The following FOXK1 variants were observed in gnomAD, a reference collection of about 807,000 sequenced individuals.
The protein encoded by FOXK1 is forkhead box K1.
Under a neutral mutation model 51.9 loss-of-function variants are expected in FOXK1, and 19 were observed. The observed-to-expected ratio is 0.37, with a 90% confidence interval of 0.26 to 0.54. The LOEUF (loss-of-function observed/expected upper bound fraction) is 0.54. Among genes scored for constraint, FOXK1 ranks in the 20% least tolerant of loss-of-function variants. The probability of loss-of-function intolerance (pLI) is 0.87; values close to 1 mark genes in which losing one functional copy is unlikely to be tolerated. For missense variants in FOXK1, 870 were observed against 1,032.7 expected (o/e 0.84, Z 2.16); for synonymous variants, 537 against 482.6 (o/e 1.11, Z -1.48).
intron 1 of FOXK1, among the ~76,000 whole-genome samples, chr7:4,690,847 A>ATTAATGT (rs1779881453): frequency 6.6e-6 from 1 of 152,212 alleles, no homozygotes; most frequent in African/African-American, 2.4e-5. Context: ...CAGAGGATAA[A>ATTAATGT]CTTGCTAAAT....
chr7:4,741,612 T>C (rs1048560106), intron 2 of FOXK1, among the ~76,000 whole-genome samples: 21 of 152,244 alleles, frequency 1.4e-4, no homozygotes, highest in Non-Finnish European at 2.4e-4. Context: ...ATTACAGGCG[T>C]GAGCCACCGC....
rs952978056 is a variant in FOXK1, at chr7:4,711,777, T to A, written c.560+28909T>A. The stretch of plus-strand genomic sequence containing the variant: ...AGCCACAAGTCGGCAACGTAGTGCC[T>A]CCAGGGCAGATGCCACGGACCGTAG... On this transcript the variant is annotated intron_variant, in intron 1 of 8. Transcript: ENST00000328914. This position sits in a 1 kb window ranked among gnomAD's most constrained non-coding sequence, Gnocchi z 6.3. Among the ~76,000 whole-genome samples, 1 of 152,178 alleles carries A rather than the reference T, an allele frequency of 6.6e-6. No homozygotes were observed. The highest frequency in any genetic ancestry group is 1.5e-5 in the Non-Finnish European group (1 of 68,030).
intron 2 of FOXK1, among the ~76,000 whole-genome samples, chr7:4,744,994 G>A (rs1303904783): frequency 6.6e-6 from 1 of 152,242 alleles, no homozygotes; most frequent in Non-Finnish European, 1.5e-5. Context: ...GGCCCTTGAG[G>A]TTTTCCCTGC....
chr7:4,686,873 G>A (rs1246872622), intron 1 of FOXK1, among the ~76,000 whole-genome samples: 1 of 151,474 alleles, frequency 6.6e-6, no homozygotes, highest in Non-Finnish European at 1.5e-5. Flanking sequence ...AGGGGGGTGA[G>A]GTGTGTGTGT....
At chr7:4,702,850 C>A (rs1210998469) in intron 1 of FOXK1, among the ~76,000 whole-genome samples, 1 of 152,192 alleles carries the variant, frequency 6.6e-6, no homozygotes, top group African/African-American at 2.4e-5. Context: ...CCCCTGCCTT[C>A]CTCTTCTCAG....
At chr7:4,706,072 ATG>A (rs1780098844) in intron 1 of FOXK1, among the ~76,000 whole-genome samples, 2 of 148,874 alleles carry the variant, frequency 1.3e-5, no homozygotes, top group Non-Finnish European at 3.0e-5. Context: ...ATGTGTATAT[ATG>A]TATATATGCA....
intron 1 of FOXK1, among the ~76,000 whole-genome samples, chr7:4,732,183 T>C (rs1421251752): frequency 6.6e-6 from 1 of 152,266 alleles, no homozygotes; most frequent in Non-Finnish European, 1.5e-5. Context: ...ACACGCCCTG[T>C]GTGCGTCTGA....
In FOXK1 at chr7:4,757,127, G is replaced by T; in HGVS notation, c.1184G>T (p.Arg395Leu). The change falls in exon 5 of 9, where the codon CGG becomes CTG. Residue 395 changes from arginine to leucine, a missense_variant. Arg to Leu is a moderately radical substitution (Grantham distance 102). Coordinates refer to ENST00000328914, the MANE Select transcript of FOXK1 (RefSeq NM_001037165.2). ...GCCAAGCTCGTGGAACAGGCATTCC[G>T]GAAACGGAGGCAGAGGGGTGTCTCC... Reference protein sequence around the residue: ...SEAKLVEQAFRKRRQRGVSCF... With the variant: ...SEAKLVEQAFLKRRQRGVSCF... 1 of 1,613,286 alleles carries T rather than the reference G, an allele frequency of 6.2e-7. No individual in the cohort carries two copies.
Position 4,748,404 on chromosome 7 carries a change from T to C in FOXK1, c.747-6055T>C, listed in dbSNP as rs1780733409. On this transcript the variant is annotated intron_variant, in intron 2 of 8. Coordinates refer to ENST00000328914, the MANE Select transcript of FOXK1 (RefSeq NM_001037165.2). The surrounding 1 kb of genome is among the most constrained non-coding windows in gnomAD (Gnocchi z 4.9). ...TACCTTGCATGAGCGTTTTCTGTAT[T>C]AGAACTGTGTAGTGATTGTAGCGCT... Among the ~76,000 whole-genome samples, 1 of 152,204 alleles carries C rather than the reference T, an allele frequency of 6.6e-6. No individual in the cohort carries two copies.
At chr7:4,698,545 G>A (rs1464850000) in intron 1 of FOXK1, among the ~76,000 whole-genome samples, 1 of 152,040 alleles carries the variant, frequency 6.6e-6, no homozygotes, top group Non-Finnish European at 1.5e-5. Flanking sequence ...TGCAGTCCAC[G>A]TACCTCTTTG....
At chr7:4,746,506 C>A (rs934031652) in intron 2 of FOXK1, among the ~76,000 whole-genome samples, 1 of 151,876 alleles carries the variant, frequency 6.6e-6, no homozygotes, top group Non-Finnish European at 1.5e-5. Context: ...ATAGTGAGAC[C>A]CCCATCTCTA....
chr7:4,694,074 C>CT (rs1779924105), intron 1 of FOXK1, among the ~76,000 whole-genome samples: 2 of 150,028 alleles, frequency 1.3e-5, no homozygotes, highest in African/African-American at 4.9e-5. Context: ...TTTATAGAGA[C>CT]CAGTGTCTCA....
At chr7:4,701,957 C>T (rs770093884) in intron 1 of FOXK1, among the ~76,000 whole-genome samples, 1 of 152,084 alleles carries the variant, frequency 6.6e-6, no homozygotes, top group Non-Finnish European at 1.5e-5. Flanking sequence ...TGCCTGTACT[C>T]GCAGCTACTT....
intron 2 of FOXK1, among the ~76,000 whole-genome samples, chr7:4,751,631 G>A (rs774912889): frequency 2.6e-5 from 4 of 152,240 alleles, no homozygotes; most frequent in East Asian, 1.9e-4. Flanking sequence ...CCCCGTGGCC[G>A]AGGCCCGCCT....
At chr7:4,760,978 C>G (rs555508976) in intron 7 of FOXK1, 86 bp from the exon 8 acceptor site, 5 of 1,305,336 alleles carry the variant, frequency 3.8e-6, no homozygotes, top group South Asian at 2.5e-5. Context: ...TCACTTTCCC[C>G]ACTTGTCCGA....
intron 2 of FOXK1, among the ~76,000 whole-genome samples, chr7:4,751,385 C>G (rs1780776049): frequency 6.6e-6 from 1 of 152,154 alleles, no homozygotes; most frequent in African/African-American, 2.4e-5. Flanking sequence ...TTTCCGTGGA[C>G]TCCCAGCATC....
intron 1 of FOXK1, among the ~76,000 whole-genome samples, chr7:4,714,562 A>AC (rs1182165685): frequency 3.3e-5 from 5 of 152,220 alleles, no homozygotes; most frequent in Admixed American, 6.5e-5. Context: ...GGCGTGAGCC[A>AC]CCAGCCTGGC....
At chr7:4,721,985 A>T (rs115610361) in intron 1 of FOXK1, among the ~76,000 whole-genome samples, 29 of 152,348 alleles carry the variant, frequency 1.9e-4, no homozygotes, top group Non-Finnish European at 3.1e-4. Context: ...GGGGACGCGC[A>T]CAGCCGTGTT....
Position 4,762,570 on chromosome 7 carries a change from C to A in FOXK1, c.*106C>A. ...ACAGACGGAGGAGAACAGCCCGCGG[C>A]GGCCTGTGGGCATCGGCGGCACCTG... On this transcript the variant is annotated 3_prime_UTR_variant, in exon 9 of 9. Coordinates refer to ENST00000328914, the MANE Select transcript of FOXK1 (RefSeq NM_001037165.2). The surrounding 1 kb of genome is among the most constrained non-coding windows in gnomAD (Gnocchi z 5.7). The A allele has an allele frequency of 8.3e-7, 1 of 1,201,316 alleles. No homozygotes were observed. Among genetic ancestry groups the A allele is most frequent in the Non-Finnish European group, 1.1e-6 (1 of 880,374 alleles). The allele number at this position is 1,201,316 out of a possible 1,614,324, so 74.4% of individuals were successfully genotyped here.
Sources: gnomAD v4.1 joint callset for allele counts (sites outside exome capture counted in the v4.1 genomes callset) on GRCh38, gnomAD v4.1.1 for gene constraint, Gnocchi (gnomAD v3.1) non-coding constraint, MANE v1.5 for transcripts, NCBI Gene and HGNC (gene_info 2026-07-23, HGNC 2026-07-21) for gene names.